FBXL20: variants seen among roughly 807,000 people sequenced by gnomAD.
FBXL20 encodes the protein F-box/LRR-repeat protein 20.
FBXL20 carries 11 observed loss-of-function variants against 64.0 expected under a neutral mutation model. The observed-to-expected ratio is 0.17, with a 90% CI of 0.11 to 0.28. FBXL20 has a LOEUF of 0.28. Ranked by LOEUF, FBXL20 falls within the 10% of genes least tolerant of loss-of-function variation. FBXL20 has a pLI of 1.00. For synonymous variants in FBXL20, 184 were observed against 189.0 expected (o/e 0.97, Z 0.22); for missense variants, 303 against 526.2 (o/e 0.58, Z 4.15).
intron 1 of FBXL20, among the ~76,000 whole-genome samples, chr17:39,350,664 G>C (rs1005274927): frequency 6.6e-6 from 1 of 152,156 alleles, no homozygotes; most frequent in Non-Finnish European, 1.5e-5. Context: ...TTATGTGTAA[G>C]ACATCTGTCC....
At chr17:39,361,442 G>C (rs188237989) in intron 1 of FBXL20, among the ~76,000 whole-genome samples, 50 of 152,302 alleles carry the variant, frequency 3.3e-4, no homozygotes, top group Middle Eastern at 3.4e-3. Context: ...GAATTTGCTG[G>C]ATTGGAAAAT....
At chr17:39,374,888 G>A (rs974366080) in intron 1 of FBXL20, among the ~76,000 whole-genome samples, 10 of 152,076 alleles carry the variant, frequency 6.6e-5, no homozygotes, top group African/African-American at 1.2e-4. Context: ...CTGGGTTCAA[G>A]CAATTCTCCT....
intron 2 of FBXL20, among the ~76,000 whole-genome samples, chr17:39,314,229 G>A (rs1416950151): frequency 6.6e-6 from 1 of 152,144 alleles, no homozygotes; most frequent in East Asian, 1.9e-4. Flanking sequence ...ACATTTTAAA[G>A]AATATATCCA....
chr17:39,313,244 T>A (rs1043947591), intron 2 of FBXL20, among the ~76,000 whole-genome samples: 1 of 149,008 alleles, frequency 6.7e-6, no homozygotes, highest in Non-Finnish European at 1.5e-5. Context: ...TTAATTTGTA[T>A]TTTTTCTGAG....
In FBXL20 at chr17:39,378,842, C is replaced by G. The variant is rs183893641; in HGVS notation, c.42+22519G>C. Among the ~76,000 whole-genome samples, 248 of 151,672 alleles carry G rather than the reference C, an allele frequency of 1.6e-3. 1 individual carries two copies. In the East Asian group the frequency reaches 0.018, roughly 11 times the overall value. ...GCCAGGCTGGTCTCGAACTCCTGAC[C>G]TCAGGTGATCCGCCTGCCTCGGCCT... On this transcript the variant is annotated intron_variant, in intron 1 of 14. Transcript: ENST00000264658.
At chr17:39,304,501 G>A (rs1487794397) in intron 2 of FBXL20, among the ~76,000 whole-genome samples, 1 of 152,084 alleles carries the variant, frequency 6.6e-6, no homozygotes, top group Non-Finnish European at 1.5e-5. Flanking sequence ...TGTTGCACAG[G>A]CTGGTTTTGA....
Position 39,270,654 on chromosome 17 carries a change from C to T in FBXL20, c.888+142G>A, listed in dbSNP as rs192673690. On this transcript the variant is annotated intron_variant, in intron 11 of 14. Coordinates refer to ENST00000264658, the MANE Select transcript of FBXL20 (RefSeq NM_032875.3). ...TGTATTCTTATTGATATCAGTAGGTCTGTAGCTATAGCATGAAACCCCGTC... is the reference window on the plus strand; with the variant it reads ...TGTATTCTTATTGATATCAGTAGGTTTGTAGCTATAGCATGAAACCCCGTC... 956 of 635,386 alleles carry T rather than the reference C, an allele frequency of 1.5e-3. 4 individuals are homozygous for T. The highest frequency in any genetic ancestry group is 2.1e-3 in the Non-Finnish European group (783 of 365,084). 39.4% of individuals were successfully genotyped at this position (635,386 alleles called of 1,614,324 possible).
intron 12 of FBXL20, among the ~76,000 whole-genome samples, chr17:39,265,760 C>CA (rs539038860): frequency 3.3e-3 from 504 of 150,872 alleles, no homozygotes; most frequent in Non-Finnish European, 5.1e-3. Context: ...TGAGCTCAAG[C>CA]AATCCTCCAC....
At chr17:39,377,057 C>T (rs1184925760) in intron 1 of FBXL20, among the ~76,000 whole-genome samples, 2 of 152,122 alleles carry the variant, frequency 1.3e-5, no homozygotes, top group Admixed American at 6.6e-5. Flanking sequence ...TGCCTGGGGA[C>T]TAGATTGCCT....
chr17:39,302,537 C>T (rs562822110), intron 3 of FBXL20, among the ~76,000 whole-genome samples: 2 of 152,238 alleles, frequency 1.3e-5, no homozygotes, highest in South Asian at 4.1e-4. Context: ...CCATGCCTGG[C>T]TAATTTTTTG....
chr17:39,323,848 C>A (rs893231021), intron 2 of FBXL20, among the ~76,000 whole-genome samples: 1 of 151,640 alleles, frequency 6.6e-6, no homozygotes, highest in Non-Finnish European at 1.5e-5. Flanking sequence ...TCTCGGCTCA[C>A]TGCAACCTCC....
At position 39,254,020 on chromosome 17, in the gene FBXL20, TACAGATCTG is replaced by T. The variant is rs1219286664; in HGVS notation, c.*7431_*7439del. 2 of 152,142 alleles carry T rather than the reference TACAGATCTG, an allele frequency of 1.3e-5. No homozygotes were observed. Among genetic ancestry groups the T allele is most frequent in the African/African-American group, 4.8e-5 (2 of 41,430 alleles). The allele number at this position is 152,142 out of a possible 1,614,324, so 9.4% of individuals were successfully genotyped here. A position where few individuals can be genotyped will look rare whatever the true frequency, so the allele number is the denominator to read the frequency against. On this transcript the variant is annotated 3_prime_UTR_variant, in exon 15 of 15. Coordinates refer to ENST00000264658, the MANE Select transcript of FBXL20 (RefSeq NM_032875.3). ...CATATATGTGTGAGCAGCAATGAGG[TACAGATCTG>T]AATTAATGAGATAATGGCAAGAGAA...
At chr17:39,296,559 CAAAAAA>C (rs60002793) in intron 6 of FBXL20, among the ~76,000 whole-genome samples, 3 of 62,162 alleles carry the variant, frequency 4.8e-5, no homozygotes. Flanking sequence ...GACTCTGTCT[CAAAAAA>C]AAAAAAAAAA....
chr17:39,353,906 G>A (rs1053871935), intron 1 of FBXL20, among the ~76,000 whole-genome samples: 1 of 152,116 alleles, frequency 6.6e-6, no homozygotes, highest in Non-Finnish European at 1.5e-5. Context: ...TTACAAGAGT[G>A]AGCCACCGCA....
At chr17:39,366,527 T>C (rs1198888517) in intron 1 of FBXL20, among the ~76,000 whole-genome samples, 1 of 152,206 alleles carries the variant, frequency 6.6e-6, no homozygotes, top group African/African-American at 2.4e-5. Flanking sequence ...TCACTTGCTT[T>C]TTAAGGGAAC....
At chr17:39,314,415 C>T (rs2047265220) in intron 2 of FBXL20, among the ~76,000 whole-genome samples, 1 of 152,084 alleles carries the variant, frequency 6.6e-6, no homozygotes, top group African/African-American at 2.4e-5. Context: ...TGTAGTGGCG[C>T]CATCCTGGTT....
intron 1 of FBXL20, among the ~76,000 whole-genome samples, chr17:39,388,075 T>C (rs956838394): frequency 6.6e-6 from 1 of 152,210 alleles, no homozygotes; most frequent in Non-Finnish European, 1.5e-5. Context: ...AGACCACTTA[T>C]AATGCAAATT....
At position 39,367,888 on chromosome 17, in the gene FBXL20, G is replaced by A. The variant is rs1055051933; in HGVS notation, c.43-24647C>T. On this transcript the variant is annotated intron_variant, in intron 1 of 14. Coordinates refer to ENST00000264658, the MANE Select transcript of FBXL20 (RefSeq NM_032875.3). ...AAGAGATTCTCCTGCCTCAGGCTCC[G>A]GAGTAGCTGGAACTACAGGCACGCC... Among the ~76,000 whole-genome samples the A allele has an allele frequency of 2.6e-5, 4 of 151,244 alleles. No homozygotes were observed. In the East Asian group the frequency reaches 5.9e-4, roughly 22 times the overall value.
intron 2 of FBXL20, among the ~76,000 whole-genome samples, chr17:39,308,502 GA>G (rs200103723): frequency 2.1e-5 from 3 of 143,546 alleles, no homozygotes; most frequent in Non-Finnish European, 3.1e-5. Context: ...CTTAAAAAAA[GA>G]AAAAAAAATA....
Sources: gnomAD v4.1 joint callset for allele counts (sites outside exome capture counted in the v4.1 genomes callset) on GRCh38, gnomAD v4.1.1 for gene constraint, MANE v1.5 for transcripts, NCBI Gene and HGNC (gene_info 2026-07-23, HGNC 2026-07-21) for gene names.